FAM118A: variants seen among roughly 807,000 people sequenced by gnomAD.
The protein encoded by FAM118A is protein FAM118A.
Under a neutral mutation model 38.2 loss-of-function variants are expected in FAM118A, and 25 were observed. The observed-to-expected ratio is 0.65, with a 90% CI of 0.48 to 0.91. The LOEUF is 0.91. Ranked by LOEUF, FAM118A falls within the 40% of genes least tolerant of loss-of-function variation. The pLI is 0.00. For missense variants in FAM118A, 425 were observed against 463.3 expected, an observed-to-expected ratio of 0.92 and a Z score of 0.76; for synonymous variants, 178 against 184.1, an observed-to-expected ratio of 0.97 and a Z score of 0.27.
intron 5 of FAM118A, 159 bp downstream of exon 5, chr22:45,330,890 C>T (rs2085662532): frequency 7.2e-6 from 5 of 690,734 alleles, no homozygotes; most frequent in Non-Finnish European, 1.0e-5. Context: ...GTCTCTTGTC[C>T]TCGTCTGTGT....
In FAM118A at chr22:45,332,240, T is replaced by A. The variant is rs539603081; in HGVS notation, c.652-185T>A. Among the ~76,000 whole-genome samples the A allele has an allele frequency of 5.8e-3, 882 of 151,512 alleles. 2 individuals carry two copies. Among genetic ancestry groups the A allele is most frequent in the Non-Finnish European group, 9.6e-3 (656 of 68,010 alleles). On this transcript the variant is annotated intron_variant, in intron 5 of 8. Transcript: ENST00000441876. ...TTTGGTCTTTGCTGCCACAGGCTGC[T>A]GCTGGGGGGTGGCCTGAGTGCCATG...
intron 2 of FAM118A, 130 bp from the exon 3 acceptor site, chr22:45,323,045 G>GTGTT: frequency 4.1e-6 from 3 of 723,620 alleles, no homozygotes; most frequent in Admixed American, 2.8e-5. Flanking sequence ...AGGGGACTGT[G>GTGTT]TGTGTGTGTG....
At chr22:45,316,358 C>T (rs183021941) in intron 1 of FAM118A, among the ~76,000 whole-genome samples, 63 of 152,194 alleles carry the variant, frequency 4.1e-4, no homozygotes, top group East Asian at 1.5e-3. Flanking sequence ...TGATTTCTGC[C>T]GCCACACTCT....
At chr22:45,338,519 G>GC (rs945109161) in intron 8 of FAM118A, among the ~76,000 whole-genome samples, 1 of 152,212 alleles carries the variant, frequency 6.6e-6, no homozygotes, top group African/African-American at 2.4e-5. Flanking sequence ...GAGCCACTGC[G>GC]CCCGGCCAAG....
At chr22:45,333,738 G>A (rs2085892730) in intron 6 of FAM118A, among the ~76,000 whole-genome samples, 1 of 151,906 alleles carries the variant, frequency 6.6e-6, no homozygotes, top group Non-Finnish European at 1.5e-5. Flanking sequence ...CTACTCTGGA[G>A]GCTCAGGTGG....
At chr22:45,334,827 C>T (rs1246813846) in intron 6 of FAM118A, among the ~76,000 whole-genome samples, 5 of 152,164 alleles carry the variant, frequency 3.3e-5, no homozygotes, top group African/African-American at 4.8e-5. Context: ...TCTCTGCCCC[C>T]GTCCGCCGCT....
At chr22:45,339,359 A>G (rs2086320642) in intron 8 of FAM118A, among the ~76,000 whole-genome samples, 2 of 152,228 alleles carry the variant, frequency 1.3e-5, no homozygotes, top group African/African-American at 4.8e-5. Flanking sequence ...AGATCACACC[A>G]TTGTACTCCA....
chr22:45,327,636 G>A (rs190500461), intron 3 of FAM118A, among the ~76,000 whole-genome samples: 170 of 152,276 alleles, frequency 1.1e-3, no homozygotes, highest in Non-Finnish European at 2.0e-3. Context: ...CGTCTCTGCC[G>A]TGCTTTCCTG....
intron 5 of FAM118A, among the ~76,000 whole-genome samples, chr22:45,331,795 T>A (rs559838508): frequency 1.3e-5 from 2 of 152,062 alleles, no homozygotes; most frequent in South Asian, 4.1e-4. Context: ...CTCTGAGATA[T>A]TTGGTTAGCT....
intron 3 of FAM118A, among the ~76,000 whole-genome samples, 157 bp downstream of exon 3, chr22:45,323,584 C>T (rs946761684): frequency 7.9e-5 from 12 of 152,176 alleles, no homozygotes; most frequent in African/African-American, 2.2e-4. Context: ...ATCGGGGTGT[C>T]GTCTTTTAAA....
chr22:45,331,939 C>T (rs985193656), intron 5 of FAM118A, among the ~76,000 whole-genome samples: 1 of 152,158 alleles, frequency 6.6e-6, no homozygotes, highest in Non-Finnish European at 1.5e-5. Flanking sequence ...ACCACCCCTG[C>T]AAGAATTCCC....
intron 5 of FAM118A, 102 bp downstream of exon 5, chr22:45,330,833 G>T: frequency 7.6e-7 from 1 of 1,319,310 alleles, no homozygotes; most frequent in African/African-American, 1.5e-5. Context: ...CCAGGCGTCC[G>T]TGCCCTTCAG....
rs541101711 is a variant in FAM118A at position 45,334,751 on chromosome 22, C to A, written c.938-599C>A. Among the ~76,000 whole-genome samples the A allele has an allele frequency of 3.9e-5, 6 of 152,298 alleles. No individual in the cohort carries two copies. In the South Asian group the frequency reaches 1.2e-3, roughly 32 times the overall value. ...TGGCCTGACTGCAGAGCAAAATACA[C>A]CATTTGGTGCATCCTGGCACCGGCC... On this transcript the variant is annotated intron_variant, in intron 6 of 8. Transcript: ENST00000441876.
At position 45,328,888 on chromosome 22, in the gene FAM118A, G is replaced by A. The variant is rs537026311; in HGVS notation, c.522+825G>A. On this transcript the variant is annotated intron_variant, in intron 4 of 8. Transcript: ENST00000441876. ...CTGTCTAGGAAGCATAGCAGCATCTGCTTCCGGGGAGGCCTCAGGAAGTTT... is the reference window on the plus strand; with the variant it reads ...CTGTCTAGGAAGCATAGCAGCATCTACTTCCGGGGAGGCCTCAGGAAGTTT... 16 of 160,674 alleles carry A rather than the reference G, an allele frequency of 1.0e-4. No individual in the cohort carries two copies. In the South Asian group the frequency reaches 2.7e-3, roughly 27 times the overall value. The allele number at this position is 160,674 out of a possible 1,614,324, so 10.0% of individuals were successfully genotyped here.
chr22:45,332,521 TC>T lies in FAM118A; in HGVS notation c.750del (p.Val251CysfsTer14). On this transcript the variant is annotated frameshift_variant, in exon 6 of 9. Coordinates refer to ENST00000441876, the MANE Select transcript of FAM118A (RefSeq NM_017911.4). LOFTEE classifies it high-confidence loss of function. ...DQIFQALFLY[S>X]VPNKVDLEHY... ...GATATTCCAGGCCCTCTTTCTTTACTCCGTGCCGAATAAGGTGGATTTGGAG... is the reference window on the plus strand; with the variant it reads ...GATATTCCAGGCCCTCTTTCTTTACTCGTGCCGAATAAGGTGGATTTGGAG... 4 of 1,614,192 alleles carry T rather than the reference TC, an allele frequency of 2.5e-6. No homozygotes were observed. The South Asian group carries it at 4.4e-5, about 18-fold the overall frequency.
chr22:45,322,021 G>A, intron 1 of FAM118A: 1 of 378,608 alleles, frequency 2.6e-6, no homozygotes, highest in South Asian at 2.3e-5. Flanking sequence ...CTGTGTTCAT[G>A]TGCACTGGAA....
Position 45,327,825 on chromosome 22 carries a change from G to T in FAM118A, c.301-17G>T. 6.2e-7 allele frequency: 1 copy of T among 1,613,800 alleles called. No individual in the cohort carries two copies. The highest frequency in any genetic ancestry group is 8.5e-7 in the Non-Finnish European group (1 of 1,179,740). On this transcript the variant is annotated splice_polypyrimidine_tract_variant and intron_variant, in intron 3 of 8. Transcript: ENST00000441876. ...AAGAGCTGATGTTTTGGTAACTGTC[G>T]TTCCACCTTTTTGTAGCGCACAGGC... is the stretch of plus-strand genomic sequence containing the variant.
At chr22:45,327,772 TGGCCTGCTTA>T in intron 3 of FAM118A, 60 bp from the exon 4 acceptor site, 1 of 1,498,412 alleles carries the variant, frequency 6.7e-7, no homozygotes, top group Non-Finnish European at 9.2e-7. Flanking sequence ...ACCCAGAAAA[TGGCCTGCTTA>T]GGTGCTCAGT....
intron 1 of FAM118A, among the ~76,000 whole-genome samples, chr22:45,314,672 C>G (rs916269821): frequency 8.5e-5 from 13 of 152,240 alleles, no homozygotes; most frequent in African/African-American, 3.1e-4. Flanking sequence ...ACATGTCTTA[C>G]GTATCCTCTT....
Sources: gnomAD v4.1 joint callset for allele counts (sites outside exome capture counted in the v4.1 genomes callset) on GRCh38, gnomAD v4.1.1 for gene constraint, MANE v1.5 for transcripts, NCBI Gene and HGNC (gene_info 2026-07-23, HGNC 2026-07-21) for gene names.